Variants in STK3 observed in about 807,000 individuals in gnomAD.
The protein encoded by STK3 is serine/threonine kinase 3, also known as serine/threonine-protein kinase 3.
A neutral mutation model predicts 58.0 loss-of-function variants in STK3; 41 were observed. The ratio of observed to expected loss-of-function variants is 0.71; its 90% CI spans 0.55 to 0.92. The LOEUF (loss-of-function observed/expected upper bound fraction) is 0.92, where lower values mean the gene tolerates loss of function less well. Ranked by LOEUF, STK3 falls within the 40% of genes least tolerant of loss-of-function variation. STK3 has a pLI of 0.00. For missense variants in STK3, 479 were observed against 602.7 expected (o/e 0.79, Z 2.15); for synonymous variants, 170 against 191.0 (o/e 0.89, Z 0.91).
intron 2 of STK3, among the ~76,000 whole-genome samples, chr8:98,772,858 T>C (rs1163589095): frequency 6.6e-6 from 1 of 152,190 alleles, no homozygotes; most frequent in Non-Finnish European, 1.5e-5. Flanking sequence ...CACCGTGCTT[T>C]TTGCAGTGTC....
chr8:98,727,821 T>C (rs1414930298), intron 4 of STK3, among the ~76,000 whole-genome samples: 1 of 152,252 alleles, frequency 6.6e-6, no homozygotes, highest in African/African-American at 2.4e-5. Flanking sequence ...TTCATTTGCA[T>C]TTGATTTCTC....
At chr8:98,645,427 C>T (rs1363455022) in intron 6 of STK3, among the ~76,000 whole-genome samples, 3 of 152,158 alleles carry the variant, frequency 2.0e-5, no homozygotes, top group Non-Finnish European at 2.9e-5. Flanking sequence ...GTCTCAAATA[C>T]TGTGGAGTTA....
At chr8:98,447,973 A>G (rs1221050039) in intron 1 of STK3, among the ~76,000 whole-genome samples, 1 of 147,768 alleles carries the variant, frequency 6.8e-6, no homozygotes, top group Non-Finnish European at 1.5e-5. Context: ...TAATAATAAT[A>G]ATAATAATAA....
chr8:98,740,284 CA>C (rs1829078192), intron 4 of STK3, among the ~76,000 whole-genome samples: 1 of 151,988 alleles, frequency 6.6e-6, no homozygotes, highest in African/African-American at 2.4e-5. Flanking sequence ...CTCCAAGACA[CA>C]TAATTGTCAG....
chr8:98,445,151 T>A (rs966843024), intron 1 of STK3, among the ~76,000 whole-genome samples: 13 of 152,222 alleles, frequency 8.5e-5, no homozygotes, highest in Admixed American at 3.3e-4. Flanking sequence ...TCTGCAACCA[T>A]CACATAATCA....
At chr8:98,620,760 C>A (rs1291531243) in intron 6 of STK3, among the ~76,000 whole-genome samples, 1 of 151,644 alleles carries the variant, frequency 6.6e-6, no homozygotes, top group East Asian at 1.9e-4. Context: ...TTTTAAAAAA[C>A]ACACACACAA....
chr8:98,841,227 CAAAG>C lies in STK3; in HGVS notation c.110+42416_110+42419del, dbSNP rs745656696. On this transcript the variant is annotated intron_variant, in intron 3 of 12. Transcript: ENST00000523601. ...CAAATCACTATGTCCAGCCCACACT[CAAAG>C]AGAGAGGATTACACAGAGCTTGAGT... Among the ~76,000 whole-genome samples the C allele has an allele frequency of 2.6e-5, 4 of 152,124 alleles. No homozygotes were observed. In the South Asian group the frequency reaches 6.2e-4, roughly 24 times the overall value.
At chr8:98,726,940 T>G (rs1827837368) in intron 4 of STK3, among the ~76,000 whole-genome samples, 1 of 152,004 alleles carries the variant, frequency 6.6e-6, no homozygotes, top group Admixed American at 6.6e-5. Flanking sequence ...TATTTTAGAG[T>G]TTTTAAATTA....
intron 1 of STK3, chr8:98,782,444 G>C (rs1347325243): frequency 2.4e-5 from 6 of 254,902 alleles, no homozygotes; most frequent in Non-Finnish European, 4.0e-5. Context: ...TCAAAAACAG[G>C]TGGATTCTCA....
chr8:98,631,169 C>A (rs529173224), intron 6 of STK3, among the ~76,000 whole-genome samples: 2 of 152,318 alleles, frequency 1.3e-5, no homozygotes, highest in South Asian at 4.1e-4. Flanking sequence ...TCACTATTCA[C>A]CTGGCTTCCA....
In STK3 at chr8:98,516,902, T is replaced by C. The variant is rs563617443; in HGVS notation, c.1317+9840A>G. On this transcript the variant is annotated intron_variant, in intron 10 of 10. Transcript: ENST00000419617. ...CTATTAGGTAGTTTCATTTGCATTC[T>C]CAAATTAAGATAGAGAGTTAAAAAC... 3.3e-5 allele frequency among the ~76,000 whole-genome samples: 5 copies of C among 152,190 alleles called. No homozygotes were observed. The East Asian group carries it at 9.6e-4, about 29-fold the overall frequency.
intron 10 of STK3, among the ~76,000 whole-genome samples, chr8:98,468,600 A>G (rs1167717998): frequency 6.6e-6 from 1 of 152,234 alleles, no homozygotes; most frequent in African/African-American, 2.4e-5. Context: ...ATATGCTCAC[A>G]AATGCTATGA....
chr8:98,573,341 TACA>T (rs1813117016), intron 8 of STK3, among the ~76,000 whole-genome samples: 4 of 152,156 alleles, frequency 2.6e-5, no homozygotes. Context: ...TCAGAAAATT[TACA>T]ATCATGGCAG....
At chr8:98,659,325 T>TA (rs1821793524) in intron 6 of STK3, among the ~76,000 whole-genome samples, 1 of 152,042 alleles carries the variant, frequency 6.6e-6, no homozygotes, top group Admixed American at 6.6e-5. Context: ...GCACCAAATT[T>TA]CTTTTCCATT....
intron 6 of STK3, among the ~76,000 whole-genome samples, chr8:98,696,636 T>C (rs986535860): frequency 6.6e-6 from 1 of 152,246 alleles, no homozygotes; most frequent in Admixed American, 6.5e-5. Flanking sequence ...TGTCTTTCGT[T>C]CTGTTTACAT....
At chr8:98,743,245 GGA>G (rs1491145307) in intron 4 of STK3, among the ~76,000 whole-genome samples, 29 of 132,004 alleles carry the variant, frequency 2.2e-4, no homozygotes, top group Non-Finnish European at 3.3e-5. Flanking sequence ...AAGTTCATAT[GGA>G]AAAAAAAAAA....
chr8:98,525,513 T>A (rs1825682691), intron 10 of STK3, among the ~76,000 whole-genome samples: 1 of 152,090 alleles, frequency 6.6e-6, no homozygotes, highest in South Asian at 2.1e-4. Flanking sequence ...TATTCATGAA[T>A]AATTTAAAGC....
chr8:98,921,402 T>C (rs1839557434), intron 1 of STK3: 1 of 152,524 alleles, frequency 6.6e-6, no homozygotes, highest in Non-Finnish European at 1.5e-5. Flanking sequence ...GAGATGGTCA[T>C]CCACTTCAAC....
intron 4 of STK3, among the ~76,000 whole-genome samples, chr8:98,722,187 T>C (rs940671004): frequency 3.9e-5 from 6 of 152,182 alleles, no homozygotes; most frequent in African/African-American, 7.2e-5. Context: ...ATAACAATTA[T>C]AAAATGGCAC....
Sources: allele counts gnomAD v4.1 joint callset (sites outside exome capture counted in the v4.1 genomes callset), GRCh38; gene constraint gnomAD v4.1.1; transcripts MANE v1.5; gene names NCBI Gene and HGNC (gene_info 2026-07-23, HGNC 2026-07-21).